The following PPP2R2C variants were observed in gnomAD, a reference collection of about 807,000 sequenced individuals.
PPP2R2C encodes protein phosphatase 2 regulatory subunit Bgamma, also known as protein phosphatase 2, regulatory subunit B, gamma.
Under a neutral mutation model 45.3 loss-of-function variants are expected in PPP2R2C, and 10 were observed. The ratio of observed to expected loss-of-function variants is 0.22; its 90% CI spans 0.14 to 0.37. The LOEUF is 0.37. Ranked by LOEUF, PPP2R2C falls within the 10% of genes least tolerant of loss-of-function variation. PPP2R2C has a pLI of 1.00. For synonymous variants in PPP2R2C, 257 were observed against 245.4 expected (o/e 1.05, Z -0.44); for missense variants, 308 against 619.7 (o/e 0.50, Z 5.34).
At chr4:6,558,751 C>T (rs1195079257) in intron 1 of PPP2R2C, among the ~76,000 whole-genome samples, 3 of 152,144 alleles carry the variant, frequency 2.0e-5, no homozygotes, top group African/African-American at 4.8e-5. Flanking sequence ...GAGCCCTGCA[C>T]CGAGCCAAGC....
chr4:6,563,711 G>GC (rs1298097931), upstream of PPP2R2C: 2 of 136,884 alleles, frequency 1.5e-5, no homozygotes, highest in African/African-American at 2.6e-5. The surrounding 1 kb of genome is among the most constrained non-coding windows in gnomAD (Gnocchi z 5.8). Flanking sequence ...GGGGCGGGGG[G>GC]CGGGGGCGCG....
At chr4:6,344,509 T>C (rs180716994) in intron 6 of PPP2R2C, among the ~76,000 whole-genome samples, 1 of 152,280 alleles carries the variant, frequency 6.6e-6, no homozygotes, top group African/African-American at 2.4e-5. Flanking sequence ...CTGCCCCCTC[T>C]AGCCCACTGA....
At chr4:6,525,992 G>C (rs1177091443) in intron 2 of PPP2R2C, among the ~76,000 whole-genome samples, 1 of 152,152 alleles carries the variant, frequency 6.6e-6, no homozygotes, top group Non-Finnish European at 1.5e-5. Context: ...CGTGAGCCAC[G>C]TTGCCCAGCC....
At chr4:6,420,919 T>C in intron 1 of PPP2R2C, 4 of 984,446 alleles carry the variant, frequency 4.1e-6, no homozygotes, top group South Asian at 9.4e-5. Context: ...ATCATCTGCT[T>C]ACCAAGCCTC....
intron 1 of PPP2R2C, among the ~76,000 whole-genome samples, chr4:6,461,425 T>C (rs1000829303): frequency 6.6e-6 from 1 of 152,106 alleles, no homozygotes; most frequent in Non-Finnish European, 1.5e-5. Flanking sequence ...CTAGAGCCCC[T>C]TGCATTAGGT....
intron 2 of PPP2R2C, among the ~76,000 whole-genome samples, chr4:6,478,403 G>C (rs1722237515): frequency 6.6e-6 from 1 of 152,204 alleles, no homozygotes; most frequent in Admixed American, 6.5e-5. Context: ...TCTGAGTGCA[G>C]CTTCAGTGGC....
intron 1 of PPP2R2C, among the ~76,000 whole-genome samples, chr4:6,431,826 C>T (rs1037948839): frequency 1.3e-5 from 2 of 152,160 alleles, no homozygotes; most frequent in Non-Finnish European, 2.9e-5. Flanking sequence ...TTTGGGGCTG[C>T]TCCCACAGAA....
chr4:6,454,226 C>T (rs1720892609), intron 1 of PPP2R2C, among the ~76,000 whole-genome samples: 1 of 152,094 alleles, frequency 6.6e-6, no homozygotes, highest in African/African-American at 2.4e-5. Flanking sequence ...CAGGGAGGGC[C>T]AGAGCACAGT....
rs558152505 is a variant in PPP2R2C at position 6,320,733 on chromosome 4, A to C, written c.*2569T>G. The C allele has an allele frequency of 1.3e-5, 2 of 152,510 alleles. No individual in the cohort carries two copies. The highest frequency in any genetic ancestry group is 1.3e-4 in the Admixed American group (2 of 15,284). The allele number at this position is 152,510 out of a possible 1,614,324, so 9.4% of individuals were successfully genotyped here. A position where few individuals can be genotyped will look rare whatever the true frequency, so the allele number is the denominator to read the frequency against. On this transcript the variant is annotated 3_prime_UTR_variant, in exon 9 of 9. Transcript: ENST00000382599. ...CAAACTGATCAGGGCTGACAACTTG[A>C]CCACCATGTATCCCACACCACCACC... is the stretch of plus-strand genomic sequence containing the variant.
intron 2 of PPP2R2C, among the ~76,000 whole-genome samples, chr4:6,517,166 G>A (rs979839630): frequency 1.6e-4 from 24 of 152,204 alleles, no homozygotes; most frequent in African/African-American, 5.8e-4. Context: ...TCGCCTGGCA[G>A]AAGGTAGACA....
rs1487734329 is a variant in PPP2R2C at position 6,422,415 on chromosome 4, A to G, written c.71-41321T>C. Among the ~76,000 whole-genome samples, 4 of 152,194 alleles carry G rather than the reference A, an allele frequency of 2.6e-5. No homozygotes were observed. The East Asian group carries it at 7.7e-4, about 29-fold the overall frequency. ...AGCCTCAGCGTCCTCATTTTTTTATATGGGGGAAATACTTTGCTGCTAGAG... is the reference window on the plus strand; with the variant it reads ...AGCCTCAGCGTCCTCATTTTTTTATGTGGGGGAAATACTTTGCTGCTAGAG... On this transcript the variant is annotated intron_variant, in intron 1 of 8. Transcript: ENST00000382599.
chr4:6,511,819 ATGGTGGTGGTGGTGGTGATGG>A lies in PPP2R2C; in HGVS notation c.49+23431_49+23451del, dbSNP rs1560594424. Among the ~76,000 whole-genome samples the A allele has an allele frequency of 6.6e-3, 19 of 2,872 alleles. 2 individuals carry two copies. Among genetic ancestry groups the A allele is most frequent in the Admixed American group, 0.016 (4 of 252 alleles). 1.9% of individuals were successfully genotyped at this position (2,872 alleles called of 152,430 possible). A position where few individuals can be genotyped will look rare whatever the true frequency, so the allele number is the denominator to read the frequency against. The stretch of plus-strand genomic sequence containing the variant: ...GGTGATGGTGGTGTTGGTGGTGGTG[ATGGTGGTGGTGGTGGTGATGG>A]TGGTGGTGGTGGTGGTGGTGGTGAT... On this transcript the variant is annotated intron_variant, in intron 2 of 9. Coordinates refer to the PPP2R2C transcript ENST00000506140.
intron 1 of PPP2R2C, among the ~76,000 whole-genome samples, chr4:6,403,466 C>A (rs544919248): frequency 1.3e-5 from 2 of 152,212 alleles, no homozygotes; most frequent in Non-Finnish European, 2.9e-5. Context: ...TGAGGCTGTG[C>A]GCCAGGGGTT....
chr4:6,386,310 G>A (rs952623566), intron 1 of PPP2R2C, among the ~76,000 whole-genome samples: 7 of 152,150 alleles, frequency 4.6e-5, no homozygotes, highest in Non-Finnish European at 8.8e-5. Context: ...AGTCTCACTG[G>A]CTTGATAGAG....
In PPP2R2C at chr4:6,330,584, C is replaced by T. The variant is rs1358673352; in HGVS notation, c.961-1231G>A. ...TTCCGCTAACAGATGCGTGTGGGCTCGCATAGTCACTCTCCCCTGGGTCAC... is the reference window on the plus strand; with the variant it reads ...TTCCGCTAACAGATGCGTGTGGGCTTGCATAGTCACTCTCCCCTGGGTCAC... On this transcript the variant is annotated intron_variant, in intron 7 of 8. Coordinates refer to ENST00000382599, the MANE Select transcript of PPP2R2C (RefSeq NM_020416.4). The surrounding 1 kb of genome is among the most constrained non-coding windows in gnomAD (Gnocchi z 7.0). 6.6e-6 allele frequency among the ~76,000 whole-genome samples: 1 copy of T among 152,102 alleles called. No homozygotes were observed. Among genetic ancestry groups the T allele is most frequent in the Non-Finnish European group, 1.5e-5 (1 of 68,004 alleles).
intron 5 of PPP2R2C, chr4:6,348,754 G>T: frequency 2.1e-6 from 2 of 948,920 alleles, no homozygotes; most frequent in South Asian, 9.7e-5. Flanking sequence ...GAGCTTGAGG[G>T]TGGGGCAGAC....
intron 5 of PPP2R2C, among the ~76,000 whole-genome samples, chr4:6,370,651 T>C (rs553730492): frequency 1.4e-4 from 22 of 152,202 alleles, no homozygotes; most frequent in African/African-American, 5.1e-4. Flanking sequence ...GCACCTGAGA[T>C]TGAAACACAG....
rs1712241084 is a variant in PPP2R2C at position 6,348,703 on chromosome 4, G to A, written c.626-693C>T. On this transcript the variant is annotated intron_variant, in intron 5 of 8. Coordinates refer to ENST00000382599, the MANE Select transcript of PPP2R2C (RefSeq NM_020416.4). ...CCTGCTGTGCTGGGTGGTGTAGAAAGAAGGAGCTTCTATCTGCTGCCAGGA... is the reference window on the plus strand; with the variant it reads ...CCTGCTGTGCTGGGTGGTGTAGAAAAAAGGAGCTTCTATCTGCTGCCAGGA... The A allele has an allele frequency of 5.1e-6, 5 of 985,360 alleles. No homozygotes were observed. The South Asian group carries it at 2.3e-4, about 46-fold the overall frequency. The allele number at this position is 985,360 out of a possible 1,614,324, so 61.0% of individuals were successfully genotyped here. A position where few individuals can be genotyped will look rare whatever the true frequency, so the allele number is the denominator to read the frequency against.
chr4:6,561,902 T>A (rs565829984), intron 1 of PPP2R2C, among the ~76,000 whole-genome samples: 1 of 152,340 alleles, frequency 6.6e-6, no homozygotes, highest in Admixed American at 6.5e-5. Context: ...ATTCACTCAC[T>A]CACGCACTCA....
Sources: gnomAD v4.1 joint callset for allele counts (sites outside exome capture counted in the v4.1 genomes callset) on GRCh38, gnomAD v4.1.1 for gene constraint, Gnocchi (gnomAD v3.1) non-coding constraint, MANE v1.5 for transcripts, NCBI Gene and HGNC (gene_info 2026-07-23, HGNC 2026-07-21) for gene names.